GNAS: variants seen among roughly 807,000 people sequenced by gnomAD.
The protein encoded by GNAS is GNAS complex locus.
Under a neutral mutation model 54.5 loss-of-function variants are expected in GNAS, and 8 were observed. That is an observed-to-expected ratio of 0.15 (90% CI 0.09 to 0.26). GNAS has a LOEUF of 0.26. GNAS is among the 10% of genes least tolerant of loss of function. The pLI is 1.00. For synonymous variants in GNAS, 204 were observed against 191.4 expected, an observed-to-expected ratio of 1.07 and a Z score of -0.54; for missense variants, 170 against 529.8, an observed-to-expected ratio of 0.32 and a Z score of 6.67.
intron 1 of GNAS, among the ~76,000 whole-genome samples, chr20:58,868,563 G>T (rs2087215676): frequency 6.6e-6 from 1 of 152,110 alleles, no homozygotes; most frequent in Admixed American, 6.5e-5. Flanking sequence ...AAGGTGAGAG[G>T]TCAGAAAGAA....
chr20:58,909,346 T>G lies in GNAS; in HGVS notation c.586-4T>G, dbSNP rs1435715794. 31 of 1,613,098 alleles carry G rather than the reference T, an allele frequency of 1.9e-5. No individual in the cohort carries two copies. Among genetic ancestry groups the G allele is most frequent in the Non-Finnish European group, 2.4e-5 (28 of 1,179,142 alleles). On this transcript the variant is annotated splice_polypyrimidine_tract_variant and splice_region_variant and intron_variant, in intron 7 of 12. Coordinates refer to ENST00000371085, the MANE Select transcript of GNAS (RefSeq NM_000516.7). The surrounding 1 kb of genome is among the most constrained non-coding windows in gnomAD (Gnocchi z 7.3). ...GAGATCCATTGACCTCAATTTTGTT[T>G]CAGGACCTGCTTCGCTGCCGTGTCC...
chr20:58,907,388 G>T (rs1390582021), intron 6 of GNAS, among the ~76,000 whole-genome samples: 1 of 152,104 alleles, frequency 6.6e-6, no homozygotes, highest in Non-Finnish European at 1.5e-5. Context: ...TCAAAAGTTC[G>T]AACCAAAAGC....
In GNAS at chr20:58,891,885, G is replaced by A. The variant is rs1568980121; in HGVS notation, c.139+20G>A. On this transcript the variant is annotated intron_variant, in intron 1 of 12. Coordinates refer to ENST00000371085, the MANE Select transcript of GNAS (RefSeq NM_000516.7). Reference sequence around the variant, plus strand: ...TGCTGGGTAAGGGCGGGCGGGGGGCGCCGGCCCCGGCCCGGGGGCCCTCGA... The same window carrying A: ...TGCTGGGTAAGGGCGGGCGGGGGGCACCGGCCCCGGCCCGGGGGCCCTCGA... 1.8e-6 allele frequency: 2 copies of A among 1,120,622 alleles called. No individual in the cohort carries two copies. The highest frequency in any genetic ancestry group is 2.2e-6 in the Non-Finnish European group (2 of 889,644). 69.4% of individuals were successfully genotyped at this position (1,120,622 alleles called of 1,614,324 possible). A position where few individuals can be genotyped will look rare whatever the true frequency, so the allele number is the denominator to read the frequency against.
intron 3 of GNAS, 60 bp downstream of exon 3, chr20:58,899,045 C>G (rs1243361340): frequency 7.9e-7 from 1 of 1,264,396 alleles, no homozygotes; most frequent in African/African-American, 1.5e-5. Context: ...GAAGATCATA[C>G]TGGGAAACTG....
At chr20:58,874,936 C>T (rs2087709776) in intron 1 of GNAS, among the ~76,000 whole-genome samples, 1 of 152,126 alleles carries the variant, frequency 6.6e-6, no homozygotes. Context: ...TTCACAAATA[C>T]TTTTAAATTA....
In GNAS at chr20:58,868,949, G is replaced by C. The variant is rs567381469; in HGVS notation, c.44-26663G>C. On this transcript the variant is annotated intron_variant, in intron 1 of 12. Coordinates refer to the GNAS transcript ENST00000306090. ...GCTTTCAAAAATTCACCCTTGCGCC[G>C]GCGCCTAAGGCAGAACCCGCATCCC... 1.4e-4 allele frequency among the ~76,000 whole-genome samples: 21 copies of C among 152,270 alleles called. No individual in the cohort carries two copies. In the South Asian group the frequency reaches 3.1e-3, roughly 23 times the overall value.
chr20:58,878,225 A>G (rs1411235294), intron 1 of GNAS, among the ~76,000 whole-genome samples: 1 of 152,194 alleles, frequency 6.6e-6, no homozygotes, highest in Non-Finnish European at 1.5e-5. Flanking sequence ...CACCCAAGAG[A>G]GCCCCATGGC....
intron 1 of GNAS, among the ~76,000 whole-genome samples, chr20:58,878,406 C>G (rs373488731): frequency 6.6e-6 from 1 of 152,236 alleles, no homozygotes; most frequent in Non-Finnish European, 1.5e-5. Flanking sequence ...AATGAAACAG[C>G]AAGGACTTAG....
At chr20:58,840,481 C>G, upstream of GNAS, 1 of 1,613,544 alleles carries the variant, frequency 6.2e-7, no homozygotes, top group Non-Finnish European at 8.5e-7. The surrounding 1 kb of genome is among the most constrained non-coding windows in gnomAD (Gnocchi z 6.0). Context: ...AGACCGACTT[C>G]GAGACCGAGC....
At position 58,899,844 on chromosome 20, in the gene GNAS, G is replaced by A. The variant is rs556904537; in HGVS notation, c.257+859G>A. 1.9e-4 allele frequency: 136 copies of A among 698,330 alleles called. 3 individuals are homozygous for A. The South Asian group carries it at 2.0e-3, about 10-fold the overall frequency. 43.3% of individuals were successfully genotyped at this position (698,330 alleles called of 1,614,324 possible). A position where few individuals can be genotyped will look rare whatever the true frequency, so the allele number is the denominator to read the frequency against. ...ATCCAGAACCATTGACTTAGTTTAG[G>A]GCATCTCAAAGAAACAGCTTCTGTG... On this transcript the variant is annotated intron_variant, in intron 3 of 12. Transcript: ENST00000371085.
At chr20:58,903,632 C>A in intron 4 of GNAS, 40 bp from the exon 5 acceptor site, 1 of 1,613,990 alleles carries the variant, frequency 6.2e-7, no homozygotes, top group South Asian at 1.1e-5. Context: ...GCCCTCCCAG[C>A]CAGTGCTGTT....
rs2091324549 is a variant in GNAS, at chr20:58,909,899, C to T, written c.840-52C>T. On this transcript the variant is annotated intron_variant, in intron 10 of 12. Coordinates refer to ENST00000371085, the MANE Select transcript of GNAS (RefSeq NM_000516.7). This position sits in a 1 kb window ranked among gnomAD's most constrained non-coding sequence, Gnocchi z 7.3. The stretch of plus-strand genomic sequence containing the variant: ...AACCCCGTGCAAGCATTCCAGACCC[C>T]TGGCCGAAAGCGCGCTTCTCCCAAG... 2 of 1,613,510 alleles carry T rather than the reference C, an allele frequency of 1.2e-6. No homozygotes were observed. The highest frequency in any genetic ancestry group is 2.2e-5 in the East Asian group (1 of 44,878).
At chr20:58,899,962 T>C (rs1456716874) in intron 3 of GNAS, 1 of 717,702 alleles carries the variant, frequency 1.4e-6, no homozygotes, top group Non-Finnish European at 2.6e-6. Context: ...ATAATATCCC[T>C]AGATGATGGC....
intron 1 of GNAS, among the ~76,000 whole-genome samples, chr20:58,843,587 G>A (rs1349791175): frequency 6.6e-6 from 1 of 152,190 alleles, no homozygotes; most frequent in Non-Finnish European, 1.5e-5. Flanking sequence ...AGAAAAAGCA[G>A]ATCTTATGGT....
At chr20:58,852,891 A>T in intron 1 of GNAS, 1 of 448,318 alleles carries the variant, frequency 2.2e-6, no homozygotes, top group Non-Finnish European at 3.2e-6. Flanking sequence ...AGAGAGCGCT[A>T]CTGGCGATTT....
chr20:58,901,901 G>A (rs910748852), intron 3 of GNAS, among the ~76,000 whole-genome samples: 5 of 140,104 alleles, frequency 3.6e-5, no homozygotes, highest in African/African-American at 1.4e-4. Flanking sequence ...GTCTGCTCTT[G>A]CTAATTAACC....
intron 1 of GNAS, among the ~76,000 whole-genome samples, chr20:58,869,454 C>G (rs958317029): frequency 6.6e-6 from 1 of 152,084 alleles, no homozygotes; most frequent in African/African-American, 2.4e-5. Flanking sequence ...TTTGTGGGAG[C>G]AGAGTTTGGT....
rs2089352921 is a variant in GNAS, at chr20:58,891,675, C to T, written c.-52C>T. On this transcript the variant is annotated 5_prime_UTR_variant, in exon 1 of 13. Transcript: ENST00000371085. ...CCCTCCCGGCCCGCGTGAGGCCGCC[C>T]GCGCCCGCCGCCGCCGCAGCCCGGC... 16 of 973,524 alleles carry T rather than the reference C, an allele frequency of 1.6e-5. No homozygotes were observed. Among genetic ancestry groups the T allele is most frequent in the Non-Finnish European group, 1.9e-5 (16 of 824,112 alleles). 60.3% of individuals were successfully genotyped at this position (973,524 alleles called of 1,614,324 possible). A position where few individuals can be genotyped will look rare whatever the true frequency, so the allele number is the denominator to read the frequency against.
At chr20:58,902,066 C>T (rs963931917) in intron 3 of GNAS, among the ~76,000 whole-genome samples, 5 of 151,868 alleles carry the variant, frequency 3.3e-5, no homozygotes, top group Admixed American at 1.3e-4. Context: ...ATATACAAAC[C>T]GTGAAAAAGA....
Sources: gnomAD v4.1 joint callset for allele counts (sites outside exome capture counted in the v4.1 genomes callset) on GRCh38, gnomAD v4.1.1 for gene constraint, Gnocchi (gnomAD v3.1) non-coding constraint, MANE v1.5 for transcripts, NCBI Gene and HGNC (gene_info 2026-07-23, HGNC 2026-07-21) for gene names.